CFAP210: variants seen among roughly 807,000 people sequenced by gnomAD.
The protein encoded by CFAP210 is cilia- and flagella- associated protein 210.
the CFAP210 span, among the ~76,000 whole-genome samples, chr2:169,693,089 G>A: frequency 4.5e-3 from 686 of 152,286 alleles, 2 homozygotes; most frequent in African/African-American, 0.016. Context: ...ATGGAGGAGA[G>A]GATTTCAGGC....
the CFAP210 span, chr2:169,694,239 T>C: frequency 6.2e-7 from 1 of 1,613,294 alleles, no homozygotes; most frequent in Non-Finnish European, 8.5e-7. Context: ...TCCCTGTCCC[T>C]GGATAGGTCA....
chr2:169,646,922 A>G, the CFAP210 span, among the ~76,000 whole-genome samples: 1 of 152,062 alleles, frequency 6.6e-6, no homozygotes, highest in Admixed American at 6.5e-5. Context: ...TTAAAATAAC[A>G]GTTACTTTGA....
chr2:169,645,535 G>T, the CFAP210 span: 1 of 256,634 alleles, frequency 3.9e-6, no homozygotes, highest in East Asian at 8.8e-5. Context: ...ATGGGTATGG[G>T]GTTTCTAGTA....
chr2:169,667,217 C>T, the CFAP210 span, among the ~76,000 whole-genome samples: 2 of 151,010 alleles, frequency 1.3e-5, no homozygotes, highest in Admixed American at 6.6e-5. Flanking sequence ...CGGCTCACTG[C>T]AACCTCTGCC....
chr2:169,682,729 A>T, the CFAP210 span, among the ~76,000 whole-genome samples: 1 of 152,216 alleles, frequency 6.6e-6, no homozygotes, highest in Non-Finnish European at 1.5e-5. Flanking sequence ...GGCCACAGGC[A>T]TAACAAAGGT....
At chr2:169,690,647 G>C in the CFAP210 span, among the ~76,000 whole-genome samples, 1 of 143,744 alleles carries the variant, frequency 7.0e-6, no homozygotes, top group African/African-American at 2.6e-5. Flanking sequence ...TGGGTGACAA[G>C]AGCAAGACTC....
the CFAP210 span, among the ~76,000 whole-genome samples, chr2:169,669,300 A>G: frequency 2.6e-5 from 4 of 152,164 alleles, no homozygotes; most frequent in African/African-American, 7.2e-5. Context: ...GACTGGTAAG[A>G]GAGGAGGTTG....
the CFAP210 span, among the ~76,000 whole-genome samples, chr2:169,670,418 A>T: frequency 1.3e-5 from 2 of 152,222 alleles, no homozygotes; most frequent in South Asian, 4.1e-4. Context: ...ACTTTCAGGC[A>T]CAGGGCCAGC....
At chr2:169,677,710 T>A in the CFAP210 span, among the ~76,000 whole-genome samples, 3 of 152,146 alleles carry the variant, frequency 2.0e-5, no homozygotes, top group African/African-American at 7.2e-5. Flanking sequence ...TTGGAGCTTC[T>A]AGCAAGTGCA....
chr2:169,693,914 G>T, the CFAP210 span, among the ~76,000 whole-genome samples: 1 of 152,146 alleles, frequency 6.6e-6, no homozygotes, highest in Non-Finnish European at 1.5e-5. Flanking sequence ...AACTTTAAGC[G>T]TGCGGGAAAT....
the CFAP210 span, among the ~76,000 whole-genome samples, chr2:169,671,688 T>C: frequency 6.6e-6 from 1 of 152,192 alleles, no homozygotes; most frequent in Non-Finnish European, 1.5e-5. Context: ...CAAGCTGGTC[T>C]CAAACTCCTG....
the CFAP210 span, chr2:169,650,180 T>C: frequency 1.3e-6 from 1 of 778,348 alleles, no homozygotes; most frequent in Admixed American, 4.0e-5. Context: ...GTAAACATTG[T>C]CCAATTTCAA....
At chr2:169,674,709 T>G in the CFAP210 span, 4 of 1,607,976 alleles carry the variant, frequency 2.5e-6, no homozygotes, top group African/African-American at 2.7e-5. Context: ...TTTATCTTAC[T>G]CTTTCGGAAT....
chr2:169,689,968 T>C, the CFAP210 span, among the ~76,000 whole-genome samples: 1 of 152,186 alleles, frequency 6.6e-6, no homozygotes, highest in Admixed American at 6.5e-5. Flanking sequence ...TTATATGTTG[T>C]TGGATTTGGT....
chr2:169,654,033 A>C, the CFAP210 span: 2 of 1,525,840 alleles, frequency 1.3e-6, no homozygotes, highest in Non-Finnish European at 1.8e-6. Context: ...AAATCATAAT[A>C]ATTTCAGATA....
the CFAP210 span, among the ~76,000 whole-genome samples, chr2:169,678,127 G>C: frequency 1.3e-5 from 2 of 151,326 alleles, no homozygotes; most frequent in East Asian, 3.9e-4. Flanking sequence ...GATCATCTGA[G>C]GTCGGGAGTT....
chr2:169,654,182 A>C, the CFAP210 span: 1 of 1,592,592 alleles, frequency 6.3e-7, no homozygotes, highest in Non-Finnish European at 8.6e-7. Flanking sequence ...GCTGTTCTAC[A>C]GCTTTGATAA....
At chr2:169,660,001 AT>A in the CFAP210 span, among the ~76,000 whole-genome samples, 14 of 151,414 alleles carry the variant, frequency 9.2e-5, no homozygotes, top group African/African-American at 3.4e-4. Flanking sequence ...GTAATGTCTC[AT>A]TTTTCATCTC....
At chr2:169,677,307 C>A in the CFAP210 span, among the ~76,000 whole-genome samples, 2 of 152,088 alleles carry the variant, frequency 1.3e-5, no homozygotes, top group Non-Finnish European at 2.9e-5. Context: ...AACACAGATA[C>A]AAAAATTAAT....
Sources: gnomAD v4.1 joint callset for allele counts (sites outside exome capture counted in the v4.1 genomes callset) on GRCh38, gnomAD v4.1.1 for gene constraint, MANE v1.5 for transcripts, NCBI Gene and HGNC (gene_info 2026-07-23, HGNC 2026-07-21) for gene names.